Variants in MITD1 observed in about 807,000 individuals in gnomAD.
MITD1 encodes microtubule interacting and trafficking domain containing 1.
MITD1 carries 24 observed loss-of-function variants against 34.9 expected under a neutral mutation model. That is an observed-to-expected ratio of 0.69 (90% CI 0.50 to 0.97). The LOEUF is 0.97. Ranked by LOEUF, MITD1 falls within the 50% of genes least tolerant of loss-of-function variation. MITD1 has a pLI of 0.00. For missense variants in MITD1, 266 were observed against 294.6 expected, an observed-to-expected ratio of 0.90 and a Z score of 0.71; for synonymous variants, 102 against 101.4, an observed-to-expected ratio of 1.01 and a Z score of -0.04.
downstream of MITD1, chr2:99,161,722 T>C (rs949549854): frequency 2.5e-5 from 11 of 438,568 alleles, no homozygotes; most frequent in Non-Finnish European, 4.4e-5. Flanking sequence ...GCAGACTTAT[T>C]GTTTGAAAAC....
chr2:99,165,019 T>TACACACACACACACACAC (rs56958044), downstream of MITD1, among the ~76,000 whole-genome samples: 27 of 136,764 alleles, frequency 2.0e-4, no homozygotes, highest in African/African-American at 7.6e-4. Context: ...CAAAATGGCA[T>TACACACACACACACACAC]ACACACACAC....
chr2:99,166,082 T>C (rs749043927), downstream of MITD1, among the ~76,000 whole-genome samples: 1 of 152,146 alleles, frequency 6.6e-6, no homozygotes, highest in Non-Finnish European at 1.5e-5. Flanking sequence ...AACTACCTAC[T>C]ATTCTTATAA....
chr2:99,163,056 G>GA (rs754457101), intron 7 of MITD1: 1 of 1,553,712 alleles, frequency 6.4e-7, no homozygotes, highest in South Asian at 1.2e-5. Context: ...TATTCTCTGT[G>GA]AAAAAATTAA....
intron 1 of MITD1, among the ~76,000 whole-genome samples, chr2:99,180,088 A>G (rs2093908466): frequency 6.6e-6 from 1 of 152,150 alleles, no homozygotes; most frequent in Non-Finnish European, 1.5e-5. Context: ...CTGGGTGTTA[A>G]GGAATATTTG....
chr2:99,165,019 TACACAC>T (rs56958044), downstream of MITD1, among the ~76,000 whole-genome samples: 5,144 of 136,632 alleles, frequency 0.038, 123 homozygotes, highest in Middle Eastern at 0.077. Flanking sequence ...CAAAATGGCA[TACACAC>T]ACACACACAC....
At chr2:99,173,859 G>C in intron 2 of MITD1, 56 bp downstream of exon 2, 1 of 1,084,508 alleles carries the variant, frequency 9.2e-7, no homozygotes, top group Admixed American at 1.8e-5. Context: ...AGAAACATTG[G>C]GTGAATGGAC....
chr2:99,179,906 G>A (rs1215844970), intron 1 of MITD1, among the ~76,000 whole-genome samples: 1 of 152,048 alleles, frequency 6.6e-6, no homozygotes. Flanking sequence ...ACCATAAAGG[G>A]CTCCCCTCTG....
chr2:99,174,205 G>A (rs1044221767), intron 1 of MITD1, among the ~76,000 whole-genome samples, 189 bp from the exon 2 acceptor site: 42 of 152,186 alleles, frequency 2.8e-4, no homozygotes, highest in African/African-American at 9.9e-4. Context: ...TACACGAAGC[G>A]TGATGCAGCT....
At chr2:99,176,515 CAG>C (rs2093887450) in intron 1 of MITD1, among the ~76,000 whole-genome samples, 1 of 151,532 alleles carries the variant, frequency 6.6e-6, no homozygotes, top group Non-Finnish European at 1.5e-5. Context: ...TTAGTAGAGA[CAG>C]GGTTTCGCCA....
At chr2:99,162,127 T>G (rs1448399659) in exon 8 of MITD1, 3 of 1,614,156 alleles carry the variant, frequency 1.9e-6, no homozygotes, top group Non-Finnish European at 2.5e-6. Flanking sequence ...CATATGAATC[T>G]AGAAGGCAAA....
At chr2:99,176,653 G>A (rs948238103) in intron 1 of MITD1, among the ~76,000 whole-genome samples, 20 of 150,986 alleles carry the variant, frequency 1.3e-4, no homozygotes, top group African/African-American at 4.4e-4. Context: ...AAAACATTAT[G>A]AGGGGTGTGT....
At chr2:99,170,789 A>G in intron 4 of MITD1, 137 bp from the exon 5 acceptor site, 2 of 468,972 alleles carry the variant, frequency 4.3e-6, no homozygotes, top group Non-Finnish European at 7.8e-6. Context: ...TTATCTCAAA[A>G]AAACAACCAA....
At chr2:99,163,129 A>G (rs371248452) in intron 7 of MITD1, 123 of 1,290,150 alleles carry the variant, frequency 9.5e-5, no homozygotes, top group Non-Finnish European at 5.7e-5. Flanking sequence ...AAAATGTCTC[A>G]TACTTGCACA....
exon 8 of MITD1, chr2:99,162,104 CTG>C (rs2093798017): frequency 1.9e-6 from 3 of 1,613,946 alleles, no homozygotes; most frequent in African/African-American, 2.7e-5. Context: ...CTGTGGAAGA[CTG>C]GATCCATGAC....
chr2:99,162,567 G>A (rs768499197), intron 7 of MITD1: 4 of 1,614,166 alleles, frequency 2.5e-6, no homozygotes, highest in Non-Finnish European at 2.5e-6. Context: ...CAGGAGCAAT[G>A]CCACTGCTAG....
Position 99,181,058 on chromosome 2 carries a change from T to G in MITD1, c.-77A>C. ...GCTGCGCTTCCGGGAAGTGGTCATG[T>G]GATACCCAGGCGCCTGCGCTCTCTT... On this transcript the variant is annotated 5_prime_UTR_variant, in exon 1 of 7. Transcript: ENST00000289359. The G allele has an allele frequency of 6.6e-7, 1 of 1,517,584 alleles. No individual in the cohort carries two copies. Among genetic ancestry groups the G allele is most frequent in the South Asian group, 1.3e-5 (1 of 77,960 alleles). 94.0% of individuals were successfully genotyped at this position (1,517,584 alleles called of 1,614,324 possible).
At chr2:99,167,565 T>G (rs924954605), downstream of MITD1, among the ~76,000 whole-genome samples, 2 of 152,188 alleles carry the variant, frequency 1.3e-5, no homozygotes, top group Non-Finnish European at 2.9e-5. Flanking sequence ...GATTGCTAAT[T>G]CTCCATAGTA....
At chr2:99,168,541 C>A (rs567797850), downstream of MITD1, among the ~76,000 whole-genome samples, 1 of 152,334 alleles carries the variant, frequency 6.6e-6, no homozygotes, top group South Asian at 2.1e-4. Flanking sequence ...ACACAACTGG[C>A]ATCTGGATGA....
chr2:99,171,878 C>A (rs1574828199), intron 2 of MITD1: 1 of 453,878 alleles, frequency 2.2e-6, no homozygotes, highest in Non-Finnish European at 3.9e-6. Flanking sequence ...AGAGGCTAGG[C>A]AAGGGGGAAA....
Sources: gnomAD v4.1 joint callset for allele counts (sites outside exome capture counted in the v4.1 genomes callset) on GRCh38, gnomAD v4.1.1 for gene constraint, MANE v1.5 for transcripts, NCBI Gene and HGNC (gene_info 2026-07-23, HGNC 2026-07-21) for gene names.